The following PCDH15 variants were observed in gnomAD, a reference collection of about 807,000 sequenced individuals.
PCDH15 encodes protocadherin related 15.
PCDH15 carries 129 observed loss-of-function variants against 178.5 expected under a neutral mutation model. That is an observed-to-expected ratio of 0.72 (90% CI 0.63 to 0.84). The LOEUF is 0.84. Ranked by LOEUF, PCDH15 falls within the 40% of genes least tolerant of loss-of-function variation. PCDH15 has a pLI of 0.00. For synonymous variants in PCDH15, 800 were observed against 732.0 expected, an observed-to-expected ratio of 1.09 and a Z score of -1.50; for missense variants, 2,230 against 2,099.9, an observed-to-expected ratio of 1.06 and a Z score of -1.21.
chr10:55,528,960 C>T (rs1004386474), intron 2 of PCDH15, among the ~76,000 whole-genome samples: 2 of 152,070 alleles, frequency 1.3e-5, no homozygotes, highest in Non-Finnish European at 2.9e-5. Flanking sequence ...TTTTTATTTG[C>T]ATTTCTCTGA....
At chr10:55,503,006 C>T (rs1322690135) in intron 2 of PCDH15, among the ~76,000 whole-genome samples, 1 of 151,380 alleles carries the variant, frequency 6.6e-6, no homozygotes, top group Admixed American at 6.6e-5. Context: ...AATAGCAAAA[C>T]AACATATATT....
intron 2 of PCDH15, among the ~76,000 whole-genome samples, chr10:55,484,555 G>A (rs959629186): frequency 5.3e-5 from 8 of 151,624 alleles, no homozygotes; most frequent in South Asian, 2.1e-4. Flanking sequence ...CCTAAAATAT[G>A]TATGGAACCA....
At chr10:54,320,546 A>T (rs772626723) in intron 7 of PCDH15, among the ~76,000 whole-genome samples, 3 of 150,734 alleles carry the variant, frequency 2.0e-5, no homozygotes, top group East Asian at 3.9e-4. Flanking sequence ...CATGTAGAAA[A>T]ATATTAATTT....
intron 1 of PCDH15, among the ~76,000 whole-genome samples, chr10:55,319,302 CA>C (rs1843821043): frequency 6.6e-6 from 1 of 152,102 alleles, no homozygotes; most frequent in African/African-American, 2.4e-5. Context: ...TGCAATATTT[CA>C]TATTTAAATG....
chr10:55,149,368 A>G (rs938056164), intron 2 of PCDH15, among the ~76,000 whole-genome samples: 2 of 151,948 alleles, frequency 1.3e-5, no homozygotes, highest in African/African-American at 4.8e-5. Flanking sequence ...TATTATAAAT[A>G]TTACCAAAAA....
At chr10:54,756,927 G>C (rs548546487) in intron 1 of PCDH15, among the ~76,000 whole-genome samples, 2 of 152,160 alleles carry the variant, frequency 1.3e-5, no homozygotes, top group African/African-American at 2.4e-5. Flanking sequence ...GTAGGAGGGA[G>C]CTGTGTCTTA....
At chr10:55,052,016 G>T (rs1485688563) in intron 2 of PCDH15, among the ~76,000 whole-genome samples, 2 of 150,538 alleles carry the variant, frequency 1.3e-5, no homozygotes, top group African/African-American at 4.9e-5. Context: ...TAAAAGATAA[G>T]AATTTGTAAA....
intron 13 of PCDH15, among the ~76,000 whole-genome samples, chr10:54,171,803 T>A (rs1024336274): frequency 6.6e-6 from 1 of 151,942 alleles, no homozygotes; most frequent in South Asian, 2.1e-4. Context: ...CAAAACCGTA[T>A]CCAGGCCATC....
At chr10:55,449,777 G>A (rs959194817) in intron 2 of PCDH15, among the ~76,000 whole-genome samples, 1 of 152,118 alleles carries the variant, frequency 6.6e-6, no homozygotes, top group East Asian at 1.9e-4. Flanking sequence ...TTAAGAAAAG[G>A]TGAATACGAG....
At chr10:55,413,352 G>A (rs773951725) in intron 2 of PCDH15, among the ~76,000 whole-genome samples, 43 of 149,652 alleles carry the variant, frequency 2.9e-4, no homozygotes, top group Non-Finnish European at 3.0e-5. Context: ...AAAATATTTA[G>A]CATATTTTAA....
At chr10:54,927,364 A>G (rs1054346719) in intron 2 of PCDH15, among the ~76,000 whole-genome samples, 5 of 152,046 alleles carry the variant, frequency 3.3e-5, no homozygotes, top group Admixed American at 3.3e-4. Flanking sequence ...TTATGCAATC[A>G]ATTTTATAGT....
chr10:54,153,364 A>G (rs1005213879), intron 13 of PCDH15, 71 bp from the exon 14 acceptor site: 3 of 1,522,906 alleles, frequency 2.0e-6, no homozygotes, highest in Non-Finnish European at 2.7e-6. Flanking sequence ...TTTTTCCCCC[A>G]ACAAAAGAAG....
At chr10:54,000,242 C>A (rs1227109530) in intron 20 of PCDH15, among the ~76,000 whole-genome samples, 1 of 152,018 alleles carries the variant, frequency 6.6e-6, no homozygotes. Flanking sequence ...GTGAAGAATA[C>A]AATAAATACC....
Position 54,917,211 on chromosome 10 carries a change from T to C in PCDH15, c.-79-19711A>G, listed in dbSNP as rs373239352. ...GATTTGTGTGGTGGGTAATATTTTC[T>C]GTGTTTAGTAGACATGAAATTTATC... On this transcript the variant is annotated intron_variant, in intron 2 of 5. Transcript: ENST00000458638. 5.3e-5 allele frequency among the ~76,000 whole-genome samples: 8 copies of C among 152,212 alleles called. No homozygotes were observed. In the East Asian group the frequency reaches 1.5e-3, roughly 29 times the overall value.
At chr10:55,185,018 A>G (rs1591973441) in intron 1 of PCDH15, among the ~76,000 whole-genome samples, 1 of 151,904 alleles carries the variant, frequency 6.6e-6, no homozygotes, top group East Asian at 1.9e-4. Context: ...ATTCCAATAG[A>G]AAGTCAGTTA....
intron 2 of PCDH15, among the ~76,000 whole-genome samples, chr10:55,602,202 C>G (rs532687112): frequency 2.0e-5 from 3 of 152,152 alleles, no homozygotes; most frequent in African/African-American, 7.2e-5. Flanking sequence ...CAGCACACCA[C>G]GAGATTATAC....
chr10:53,892,143 G>A (rs546686182), intron 26 of PCDH15, among the ~76,000 whole-genome samples: 1 of 148,548 alleles, frequency 6.7e-6, no homozygotes, highest in Admixed American at 6.8e-5. Flanking sequence ...TCCTGCCTCA[G>A]CCTCTTGAGT....
intron 3 of PCDH15, among the ~76,000 whole-genome samples, chr10:54,393,732 A>C (rs1950839002): frequency 6.6e-6 from 1 of 152,182 alleles, no homozygotes; most frequent in Non-Finnish European, 1.5e-5. Context: ...CCCAATCTTC[A>C]TCTATCTTGC....
intron 2 of PCDH15, among the ~76,000 whole-genome samples, chr10:55,494,938 G>C (rs527274406): frequency 6.6e-6 from 1 of 151,844 alleles, no homozygotes; most frequent in East Asian, 2.0e-4. Context: ...CAGATTAATG[G>C]AATGGAATTA....
Sources: allele counts gnomAD v4.1 joint callset (sites outside exome capture counted in the v4.1 genomes callset), GRCh38; gene constraint gnomAD v4.1.1; transcripts MANE v1.5; gene names NCBI Gene and HGNC (gene_info 2026-07-23, HGNC 2026-07-21).